Variants in ZC3H12B observed in about 807,000 individuals in gnomAD.
ZC3H12B encodes the protein probable ribonuclease ZC3H12B.
ZC3H12B carries 7 observed loss-of-function variants against 43.9 expected under a neutral mutation model. The observed-to-expected ratio is 0.16, with a 90% CI of 0.09 to 0.30. The LOEUF is 0.30. Ranked by LOEUF, ZC3H12B falls within the 10% of genes least tolerant of loss-of-function variation. The pLI is 1.00. For synonymous variants in ZC3H12B, 222 were observed against 241.7 expected (o/e 0.92, Z 0.76); for missense variants, 475 against 670.2 (o/e 0.71, Z 3.22).
chrX:65,448,175 C>T (rs2067406034), intron 3 of ZC3H12B, among the ~76,000 whole-genome samples: 1 of 110,799 alleles, frequency 9.0e-6, no homozygotes, highest in Non-Finnish European at 1.9e-5. Context: ...GCAGAGCTTG[C>T]AGTGAGCCAA....
chrX:65,177,945 G>A, the ZC3H12B span, among the ~76,000 whole-genome samples: 2 of 112,097 alleles, frequency 1.8e-5, no homozygotes, highest in Admixed American at 9.5e-5. Flanking sequence ...AAAATAGCCT[G>A]TATACCCAAG....
At chrX:65,388,664 G>T (rs2066566388) in intron 2 of ZC3H12B, among the ~76,000 whole-genome samples, 1 of 111,777 alleles carries the variant, frequency 8.9e-6, no homozygotes, top group Non-Finnish European at 1.9e-5. Context: ...TCTCCATCCG[G>T]GTTTGTTCCA....
At chrX:65,381,839 A>C (rs1346985963) in intron 2 of ZC3H12B, among the ~76,000 whole-genome samples, 1 of 112,122 alleles carries the variant, frequency 8.9e-6, no homozygotes, top group East Asian at 2.8e-4. Context: ...TACACAAATA[A>C]ACTAGAAAAT....
chrX:65,104,927 T>A, the ZC3H12B span, among the ~76,000 whole-genome samples: 1 of 111,804 alleles, frequency 8.9e-6, no homozygotes, highest in Non-Finnish European at 1.9e-5. Flanking sequence ...GGATTATAAA[T>A]CATTCTACTA....
chrX:65,178,165 G>C, the ZC3H12B span, among the ~76,000 whole-genome samples: 1 of 112,211 alleles, frequency 8.9e-6, no homozygotes, highest in African/African-American at 3.2e-5. Context: ...AATGGGGAAA[G>C]TATTCCCTAT....
chrX:65,379,150 G>GGGA (rs2066396856), intron 2 of ZC3H12B, among the ~76,000 whole-genome samples: 1 of 112,157 alleles, frequency 8.9e-6, no homozygotes, highest in South Asian at 3.7e-4. Flanking sequence ...CCACCTCTGG[G>GGGA]GGAGGGCACA....
chrX:65,236,640 G>A, the ZC3H12B span, among the ~76,000 whole-genome samples: 1 of 111,500 alleles, frequency 9.0e-6, no homozygotes, highest in South Asian at 3.7e-4. Context: ...TTTCCTGAAT[G>A]GTATTTCCTA....
the ZC3H12B span, among the ~76,000 whole-genome samples, chrX:65,137,347 A>C: frequency 2.7e-5 from 3 of 112,191 alleles, no homozygotes; most frequent in Non-Finnish European, 5.6e-5. Context: ...GTAAAGGGAA[A>C]AATTAATAAA....
chrX:65,134,829 G>A, the ZC3H12B span, among the ~76,000 whole-genome samples: 2 of 111,517 alleles, frequency 1.8e-5, no homozygotes, highest in Admixed American at 9.5e-5. Context: ...AAGGGAGTTA[G>A]GGGTGGGGCA....
At chrX:65,442,919 G>A (rs1263403534) in intron 3 of ZC3H12B, among the ~76,000 whole-genome samples, 2 of 110,928 alleles carry the variant, frequency 1.8e-5, no homozygotes, top group Non-Finnish European at 3.8e-5. Flanking sequence ...AAGAGCCATC[G>A]CTCGAGGCGC....
At chrX:65,401,191 A>T (rs757244496) in intron 3 of ZC3H12B, among the ~76,000 whole-genome samples, 1 of 111,525 alleles carries the variant, frequency 9.0e-6, no homozygotes, top group East Asian at 2.8e-4. Flanking sequence ...TAGAAAAAAC[A>T]TTCCTGAATC....
At chrX:65,195,065 G>T in the ZC3H12B span, among the ~76,000 whole-genome samples, 1 of 99,950 alleles carries the variant, frequency 1.0e-5, no homozygotes, top group African/African-American at 3.8e-5. Context: ...AAGATGCAGT[G>T]TATTTGTTGT....
intron 4 of ZC3H12B, among the ~76,000 whole-genome samples, chrX:65,500,609 G>A (rs1333605680): frequency 1.8e-5 from 2 of 110,960 alleles, no homozygotes; most frequent in Non-Finnish European, 3.8e-5. Flanking sequence ...TGTATTTTTA[G>A]TAGAGACGGG....
At chrX:65,420,292 G>A (rs763908190) in intron 3 of ZC3H12B, among the ~76,000 whole-genome samples, 2 of 111,323 alleles carry the variant, frequency 1.8e-5, no homozygotes, top group Non-Finnish European at 3.8e-5. Flanking sequence ...CCTGTCAGCA[G>A]ATCAACCCCA....
the ZC3H12B span, among the ~76,000 whole-genome samples, chrX:65,038,823 A>C: frequency 1.8e-5 from 2 of 111,474 alleles, no homozygotes; most frequent in African/African-American, 6.5e-5. Context: ...TGCATCTATA[A>C]GTTATAATTT....
the ZC3H12B span, among the ~76,000 whole-genome samples, chrX:65,226,517 A>G: frequency 2.7e-5 from 3 of 111,738 alleles, no homozygotes; most frequent in Non-Finnish European, 5.6e-5. Flanking sequence ...ACAGTATCAA[A>G]TTCACACATA....
At chrX:65,089,233 G>A in the ZC3H12B span, among the ~76,000 whole-genome samples, 6 of 111,132 alleles carry the variant, frequency 5.4e-5, no homozygotes, top group African/African-American at 9.8e-5. Context: ...ATGTACTTAC[G>A]CAAACCTAGA....
chrX:65,252,937 G>GT, the ZC3H12B span, among the ~76,000 whole-genome samples: 1 of 111,753 alleles, frequency 8.9e-6, no homozygotes, highest in East Asian at 2.8e-4. Context: ...TAAATTATAC[G>GT]TTTTTTGGGA....
At chrX:65,224,176 T>A in the ZC3H12B span, among the ~76,000 whole-genome samples, 1 of 112,658 alleles carries the variant, frequency 8.9e-6, no homozygotes, top group East Asian at 2.8e-4. Flanking sequence ...TTGCAGATTA[T>A]TATTTTAAGT....
Sources: allele counts gnomAD v4.1 joint callset (sites outside exome capture counted in the v4.1 genomes callset), GRCh38; gene constraint gnomAD v4.1.1; transcripts MANE v1.5; gene names NCBI Gene and HGNC (gene_info 2026-07-23, HGNC 2026-07-21).